The following NALF1 variants were observed in gnomAD, a reference collection of about 807,000 sequenced individuals.
NALF1 encodes the protein family with sequence similarity 155 member A.
Under a neutral mutation model 48.4 loss-of-function variants are expected in NALF1, and 3 were observed. The observed-to-expected ratio is 0.06, with a 90% CI of 0.03 to 0.16. The LOEUF (loss-of-function observed/expected upper bound fraction) is 0.16. NALF1 is among the 10% of genes least tolerant of loss of function. The probability of loss-of-function intolerance (pLI) is 1.00; values close to 1 mark genes in which losing one functional copy is unlikely to be tolerated. For missense variants in NALF1, 526 were observed against 571.5 expected, an observed-to-expected ratio of 0.92 and a Z score of 0.81; for synonymous variants, 262 against 245.7, an observed-to-expected ratio of 1.07 and a Z score of -0.62.
At position 107,797,411 on chromosome 13, in the gene NALF1, G is replaced by A. The variant is rs978400038; in HGVS notation, c.915+68271C>T. On this transcript the variant is annotated intron_variant, in intron 1 of 2. Coordinates refer to ENST00000375915, the MANE Select transcript of NALF1 (RefSeq NM_001080396.3). ...TTTTTAGTAGAGAGGGGGTTTCACCGTGTTGGCCAGGATGGTCTCGATCTC... is the reference window on the plus strand; with the variant it reads ...TTTTTAGTAGAGAGGGGGTTTCACCATGTTGGCCAGGATGGTCTCGATCTC... Among the ~76,000 whole-genome samples the A allele has an allele frequency of 4.0e-5, 6 of 151,898 alleles. No homozygotes were observed. The South Asian group carries it at 6.2e-4, about 16-fold the overall frequency.
At chr13:107,611,013 T>C (rs1304575552) in intron 1 of NALF1, among the ~76,000 whole-genome samples, 1 of 152,014 alleles carries the variant, frequency 6.6e-6, no homozygotes, top group Non-Finnish European at 1.5e-5. Context: ...GAGAAAGAAG[T>C]AGAGGACAGG....
intron 1 of NALF1, among the ~76,000 whole-genome samples, chr13:107,569,429 G>A (rs566579876): frequency 6.6e-6 from 1 of 151,502 alleles, no homozygotes; most frequent in Non-Finnish European, 1.5e-5. Context: ...CCGAGATGGC[G>A]CCACCGCACT....
chr13:107,298,119 G>A (rs1881758905), intron 1 of NALF1, among the ~76,000 whole-genome samples: 1 of 151,800 alleles, frequency 6.6e-6, no homozygotes, highest in South Asian at 2.1e-4. Flanking sequence ...GGAGGCCAAG[G>A]CGGGTGGAAC....
chr13:107,767,171 G>A (rs1396501169), intron 1 of NALF1, among the ~76,000 whole-genome samples: 6 of 152,186 alleles, frequency 3.9e-5, no homozygotes. Flanking sequence ...TTCATATGGG[G>A]AGAAACCGGT....
chr13:107,681,404 G>A (rs537775660), intron 1 of NALF1, among the ~76,000 whole-genome samples: 13 of 152,172 alleles, frequency 8.5e-5, no homozygotes, highest in South Asian at 2.1e-4. Context: ...GCTGGAGGAC[G>A]GGCTGCCTGA....
At chr13:107,637,265 A>C (rs1429801587) in intron 1 of NALF1, among the ~76,000 whole-genome samples, 1 of 152,032 alleles carries the variant, frequency 6.6e-6, no homozygotes, top group Non-Finnish European at 1.5e-5. Flanking sequence ...ATATATATAT[A>C]TAATTTATTA....
At chr13:107,258,397 AAC>A (rs769256861) in intron 1 of NALF1, among the ~76,000 whole-genome samples, 3 of 152,186 alleles carry the variant, frequency 2.0e-5, no homozygotes, top group Non-Finnish European at 4.4e-5. Context: ...TCTAAGATAA[AAC>A]ACAACGTTTA....
chr13:107,856,076 A>G (rs1880435005), intron 1 of NALF1, among the ~76,000 whole-genome samples: 1 of 152,054 alleles, frequency 6.6e-6, no homozygotes, highest in East Asian at 1.9e-4. Flanking sequence ...GCTAATTTTT[A>G]AAAATTTTCT....
intron 1 of NALF1, among the ~76,000 whole-genome samples, chr13:107,767,002 G>A (rs917725824): frequency 9.2e-5 from 14 of 152,106 alleles, no homozygotes; most frequent in African/African-American, 1.7e-4. Context: ...AGACTTAGAC[G>A]TGTGGAGGAA....
chr13:107,277,876 G>T (rs1012679579), intron 1 of NALF1, among the ~76,000 whole-genome samples: 2 of 152,204 alleles, frequency 1.3e-5, no homozygotes, highest in African/African-American at 4.8e-5. Context: ...CAGACACTGG[G>T]TAAGTGCTTC....
At chr13:107,390,877 TTAATAATAATAATAA>T (rs71121527) in intron 1 of NALF1, among the ~76,000 whole-genome samples, 1 of 147,222 alleles carries the variant, frequency 6.8e-6, no homozygotes, top group African/African-American at 2.5e-5. Flanking sequence ...AGCCAGAAGG[TTAATAATAATAATAA>T]TAATAATAAT....
At chr13:107,614,898 T>C (rs371258148) in intron 1 of NALF1, among the ~76,000 whole-genome samples, 9 of 152,080 alleles carry the variant, frequency 5.9e-5, no homozygotes, top group African/African-American at 2.2e-4. Context: ...TGCCTCAGCT[T>C]CCTGAGTAGC....
chr13:107,839,056 C>T (rs1879979344), intron 1 of NALF1, among the ~76,000 whole-genome samples: 1 of 152,040 alleles, frequency 6.6e-6, no homozygotes, highest in East Asian at 1.9e-4. Context: ...AGTGAGGATA[C>T]ATGGTGACCT....
At chr13:107,343,308 T>C (rs1330598694) in intron 1 of NALF1, among the ~76,000 whole-genome samples, 1 of 152,146 alleles carries the variant, frequency 6.6e-6, no homozygotes, top group African/African-American at 2.4e-5. Flanking sequence ...GGGAAATTGA[T>C]ATGGTTTGAC....
At chr13:107,220,959 A>G (rs527634825) in intron 1 of NALF1, among the ~76,000 whole-genome samples, 1 of 152,264 alleles carries the variant, frequency 6.6e-6, no homozygotes, top group South Asian at 2.1e-4. Flanking sequence ...ACCATAGAAT[A>G]CTAGTCAGCC....
rs186853412 is a variant in NALF1 at position 107,745,943 on chromosome 13, G to C, written c.915+119739C>G. ...GTCTGGGTTCATCAAGAGCACATTT[G>C]ACATAAAATTCTGAGACCTATTATT... On this transcript the variant is annotated intron_variant, in intron 1 of 2. Transcript: ENST00000375915. 1.3e-4 allele frequency among the ~76,000 whole-genome samples: 20 copies of C among 152,298 alleles called. No individual in the cohort carries two copies. The East Asian group carries it at 3.7e-3, about 28-fold the overall frequency.
chr13:107,570,437 T>G (rs1877951488), intron 1 of NALF1, among the ~76,000 whole-genome samples: 1 of 152,012 alleles, frequency 6.6e-6, no homozygotes, highest in East Asian at 1.9e-4. Flanking sequence ...TCTGTGTAAA[T>G]TGATATGATC....
intron 1 of NALF1, among the ~76,000 whole-genome samples, chr13:107,727,718 A>C (rs1876199118): frequency 6.6e-6 from 1 of 152,238 alleles, no homozygotes; most frequent in Non-Finnish European, 1.5e-5. Flanking sequence ...ACAGCAAAAG[A>C]AACTATCATC....
intron 2 of NALF1, among the ~76,000 whole-genome samples, chr13:107,178,452 A>C (rs1878986292): frequency 6.6e-6 from 1 of 152,236 alleles, no homozygotes; most frequent in African/African-American, 2.4e-5. Flanking sequence ...TATATGAAGA[A>C]GTGCTCAACA....
Sources: allele counts gnomAD v4.1 joint callset (sites outside exome capture counted in the v4.1 genomes callset), GRCh38; gene constraint gnomAD v4.1.1; transcripts MANE v1.5; gene names NCBI Gene and HGNC (gene_info 2026-07-23, HGNC 2026-07-21).